Variants in APOO observed in about 807,000 individuals in gnomAD.
APOO encodes the protein MICOS complex subunit MIC26.
APOO carries 11 observed loss-of-function variants against 23.1 expected under a neutral mutation model. The observed-to-expected ratio is 0.48, with a 90% CI of 0.30 to 0.79. The LOEUF is 0.79. APOO is among the 30% of genes least tolerant of loss of function. The probability of loss-of-function intolerance (pLI) is 0.07; values close to 1 mark genes in which losing one functional copy is unlikely to be tolerated. For missense variants in APOO, 160 were observed against 142.7 expected (o/e 1.12, Z -0.62); for synonymous variants, 59 against 54.8 (o/e 1.08, Z -0.34).
intron 3 of APOO, among the ~76,000 whole-genome samples, chrX:23,878,306 C>T (rs1925950492): frequency 1.8e-5 from 2 of 111,878 alleles, no homozygotes; most frequent in Admixed American, 9.6e-5. Context: ...AGTTCCTAGC[C>T]CCTCTGCTCT....
At chrX:23,885,259 C>T (rs1440885480) in intron 1 of APOO, among the ~76,000 whole-genome samples, 1 of 108,659 alleles carries the variant, frequency 9.2e-6, no homozygotes, top group Non-Finnish European at 1.9e-5. Context: ...ATTAGCCAGG[C>T]GTGGTGGCAG....
chrX:23,856,510 T>C (rs1924791333), intron 6 of APOO, 128 bp from the exon 7 acceptor site: 1 of 460,959 alleles, frequency 2.2e-6, no homozygotes, highest in Non-Finnish European at 3.4e-6. Context: ...GCACTATGCA[T>C]AATAGCAAAA....
At chrX:23,884,306 G>A (rs1427265143) in intron 1 of APOO, among the ~76,000 whole-genome samples, 1 of 111,021 alleles carries the variant, frequency 9.0e-6, no homozygotes, top group Non-Finnish European at 1.9e-5. Flanking sequence ...AGAAATAAGG[G>A]CCCAAGGAAA....
At chrX:23,870,631 A>C (rs374087516) in intron 4 of APOO, among the ~76,000 whole-genome samples, 1 of 102,488 alleles carries the variant, frequency 9.8e-6, no homozygotes, top group East Asian at 3.0e-4. Context: ...ACAAAAAATT[A>C]AAAAAAAAAA....
intron 4 of APOO, among the ~76,000 whole-genome samples, chrX:23,874,088 T>C (rs1204102084): frequency 8.9e-6 from 1 of 112,273 alleles, no homozygotes; most frequent in Non-Finnish European, 1.9e-5. Context: ...TCAGAAAATC[T>C]ATTGATGAAT....
chrX:23,889,734 C>G (rs1385871827), intron 1 of APOO, among the ~76,000 whole-genome samples: 1 of 100,242 alleles, frequency 1.0e-5, no homozygotes, highest in African/African-American at 3.7e-5. Context: ...GCGATCTTGG[C>G]TCACTGCAAG....
At chrX:23,880,240 G>A (rs1026335443) in intron 2 of APOO, among the ~76,000 whole-genome samples, 3 of 110,843 alleles carry the variant, frequency 2.7e-5, no homozygotes, top group Admixed American at 9.7e-5. Flanking sequence ...AAAGTGAGTT[G>A]TGCTTATAAC....
chrX:23,837,152 C>T (rs777732308), intron 8 of APOO: 13 of 868,798 alleles, frequency 1.5e-5, no homozygotes, highest in Non-Finnish European at 2.1e-5. Flanking sequence ...CATTTGTCAA[C>T]CCGGAGCCTC....
chrX:23,864,192 A>T (rs752441470), intron 5 of APOO, among the ~76,000 whole-genome samples: 6 of 110,206 alleles, frequency 5.4e-5, no homozygotes, highest in Non-Finnish European at 1.1e-4. Flanking sequence ...ACAGGGTTTC[A>T]CTATGTTGGT....
intron 1 of APOO, among the ~76,000 whole-genome samples, chrX:23,881,943 A>C (rs6627983): frequency 3.1e-5 from 1 of 32,060 alleles, no homozygotes. Context: ...GCGAGACTCC[A>C]CCTCAAAAAA....
chrX:23,865,143 C>A (rs750824930), intron 5 of APOO, among the ~76,000 whole-genome samples: 1 of 111,546 alleles, frequency 9.0e-6, no homozygotes, highest in South Asian at 3.8e-4. Flanking sequence ...GGAGAGCCAC[C>A]AGAAGGCAAC....
chrX:23,880,896 A>G lies in APOO; in HGVS notation c.66T>C (p.Tyr22=). Reference sequence around the variant, plus strand: ...GAGGTGAGTCCTTTTTTGGTGCTGCATAGACTTTGAAGGTGAGCAAGCTCA... The same window carrying G: ...GAGGTGAGTCCTTTTTTGGTGCTGCGTAGACTTTGAAGGTGAGCAAGCTCA... ...ASLSLLTFKV[Y]AAPKKDSPPK... Residue 22 remains tyrosine (Y), a synonymous_variant, in exon 2 of 9, where the codon TAT becomes TAC. Coordinates refer to ENST00000379226, the MANE Select transcript of APOO (RefSeq NM_024122.5). The G allele has an allele frequency of 8.4e-7, 1 of 1,191,073 alleles. No homozygotes were observed. Among genetic ancestry groups the G allele is most frequent in the Non-Finnish European group, 1.1e-6 (1 of 887,016 alleles).
rs764162617 is a variant in APOO at position 23,879,042 on chromosome X, C to T, written c.118-8G>A. 5 of 1,202,620 alleles carry T rather than the reference C, an allele frequency of 4.2e-6. No homozygotes were observed. Among genetic ancestry groups the T allele is most frequent in the Non-Finnish European group, 4.5e-6 (4 of 889,710 alleles). ...AACTGAGTAGAGTGAAAGCTGCGCA[C>T]ATTAAAACAAAACAAAGATTTAAAA... On this transcript the variant is annotated splice_polypyrimidine_tract_variant and splice_region_variant and intron_variant, in intron 2 of 8. Transcript: ENST00000379226.
At chrX:23,900,737 C>T (rs1359256791) in intron 1 of APOO, among the ~76,000 whole-genome samples, 7 of 107,570 alleles carry the variant, frequency 6.5e-5, no homozygotes, top group Non-Finnish European at 1.3e-4. Context: ...ACAACTAGAA[C>T]CTGAGGCTGA....
chrX:23,905,640 G>T (rs1008576112), intron 1 of APOO, among the ~76,000 whole-genome samples: 1 of 111,423 alleles, frequency 9.0e-6, no homozygotes, highest in Non-Finnish European at 1.9e-5. Flanking sequence ...TTGGCCGTCA[G>T]TGAGTCCTAT....
intron 6 of APOO, 45 bp from the exon 7 acceptor site, chrX:23,856,427 C>T (rs201140430): frequency 2.0e-6 from 2 of 994,881 alleles, no homozygotes; most frequent in East Asian, 6.1e-5. Context: ...CCCAGCAATC[C>T]CTATTATTGG....
chrX:23,849,116 T>G (rs1186877040), intron 7 of APOO, among the ~76,000 whole-genome samples: 1 of 109,253 alleles, frequency 9.2e-6, no homozygotes, highest in Admixed American at 1.0e-4. Flanking sequence ...TTTTGTATTT[T>G]TAGTAGAGCT....
chrX:23,860,982 A>G (rs1924996506), intron 5 of APOO, among the ~76,000 whole-genome samples: 1 of 110,698 alleles, frequency 9.0e-6, no homozygotes, highest in African/African-American at 3.3e-5. Flanking sequence ...TCTACAAAAA[A>G]TTAAAAAATT....
intron 5 of APOO, among the ~76,000 whole-genome samples, chrX:23,866,908 T>C (rs1319521423): frequency 9.1e-6 from 1 of 110,229 alleles, no homozygotes; most frequent in Non-Finnish European, 1.9e-5. Context: ...GAGACCAGCC[T>C]GGCTAACATG....
Sources: gnomAD v4.1 joint callset for allele counts (sites outside exome capture counted in the v4.1 genomes callset) on GRCh38, gnomAD v4.1.1 for gene constraint, MANE v1.5 for transcripts, NCBI Gene and HGNC (gene_info 2026-07-23, HGNC 2026-07-21) for gene names.